Variants in WDPCP observed in about 807,000 individuals in gnomAD.
WDPCP encodes WD repeat-containing and planar cell polarity effector protein fritz homolog.
A neutral mutation model predicts 93.1 loss-of-function variants in WDPCP; 71 were observed. The ratio of observed to expected loss-of-function variants is 0.76; its 90% CI spans 0.63 to 0.93. WDPCP has a LOEUF of 0.93. Among genes scored for constraint, WDPCP ranks in the 40% least tolerant of loss-of-function variants. The probability of loss-of-function intolerance (pLI) is 0.00; values close to 1 mark genes in which losing one functional copy is unlikely to be tolerated. For synonymous variants in WDPCP, 315 were observed against 315.0 expected, an observed-to-expected ratio of 1.00 and a Z score of 0.00; for missense variants, 844 against 887.4, an observed-to-expected ratio of 0.95 and a Z score of 0.62.
At chr2:63,289,927 C>T (rs993519577) in intron 13 of WDPCP, among the ~76,000 whole-genome samples, 4 of 151,394 alleles carry the variant, frequency 2.6e-5, no homozygotes, top group Non-Finnish European at 5.9e-5. Flanking sequence ...ATATATTTTT[C>T]ACATTTTTTC....
intron 13 of WDPCP, among the ~76,000 whole-genome samples, chr2:63,304,673 G>A (rs1685584131): frequency 6.6e-6 from 1 of 152,206 alleles, no homozygotes; most frequent in Non-Finnish European, 1.5e-5. Flanking sequence ...CTTGGTGGCT[G>A]TTTGGGAAGA....
intron 12 of WDPCP, among the ~76,000 whole-genome samples, chr2:63,321,822 C>T (rs1687117427): frequency 6.6e-6 from 1 of 152,094 alleles, no homozygotes; most frequent in African/African-American, 2.4e-5. Flanking sequence ...GGAATGTTTA[C>T]ATTTTTATAA....
At chr2:63,337,197 G>C (rs1320085301) in intron 12 of WDPCP, among the ~76,000 whole-genome samples, 2 of 152,170 alleles carry the variant, frequency 1.3e-5, no homozygotes, top group East Asian at 3.9e-4. Flanking sequence ...CGGCCCATGA[G>C]AGTCACTTTT....
At chr2:63,494,120 A>C (rs771657676) in intron 1 of WDPCP, among the ~76,000 whole-genome samples, 3 of 152,170 alleles carry the variant, frequency 2.0e-5, no homozygotes, top group Non-Finnish European at 4.4e-5. Flanking sequence ...CTAATGAGAT[A>C]TAGTATGCTA....
chr2:63,350,700 T>C (rs774922631), intron 12 of WDPCP, among the ~76,000 whole-genome samples: 1 of 152,110 alleles, frequency 6.6e-6, no homozygotes, highest in Non-Finnish European at 1.5e-5. Flanking sequence ...CACTCCATTT[T>C]GGCTCTAAAT....
chr2:63,186,298 G>A (rs941550292), intron 14 of WDPCP, among the ~76,000 whole-genome samples: 3 of 152,178 alleles, frequency 2.0e-5, no homozygotes, highest in Admixed American at 6.5e-5. Context: ...CCCAATTTCA[G>A]AACCCATGGC....
chr2:63,725,350 TC>T (rs1409773026), intron 2 of WDPCP, among the ~76,000 whole-genome samples: 1 of 152,218 alleles, frequency 6.6e-6, no homozygotes, highest in Admixed American at 6.5e-5. Context: ...TACAGTTGCA[TC>T]CATGTTGCTG....
chr2:63,305,120 C>G (rs1266777812), intron 13 of WDPCP, among the ~76,000 whole-genome samples: 2 of 152,118 alleles, frequency 1.3e-5, no homozygotes, highest in Non-Finnish European at 2.9e-5. Context: ...ATAAAACTCC[C>G]ACCTCCCTGG....
chr2:63,583,241 G>T (rs1708610231), intron 1 of WDPCP, among the ~76,000 whole-genome samples: 1 of 151,930 alleles, frequency 6.6e-6, no homozygotes, highest in African/African-American at 2.4e-5. Flanking sequence ...CTAAAATAAA[G>T]TTACTGTCAA....
chr2:63,322,393 T>C (rs750329255), intron 12 of WDPCP, among the ~76,000 whole-genome samples: 1 of 152,088 alleles, frequency 6.6e-6, no homozygotes, highest in Non-Finnish European at 1.5e-5. Context: ...GTTCTTTCGC[T>C]CTTCACAATA....
At chr2:63,534,752 T>A (rs1704139037) in intron 1 of WDPCP, among the ~76,000 whole-genome samples, 1 of 152,124 alleles carries the variant, frequency 6.6e-6, no homozygotes, top group Non-Finnish European at 1.5e-5. Context: ...ACAGCCAATA[T>A]CATACTGAAT....
intron 1 of WDPCP, among the ~76,000 whole-genome samples, chr2:63,548,610 C>A (rs1347289331): frequency 2.0e-5 from 3 of 151,928 alleles, no homozygotes; most frequent in Non-Finnish European, 4.4e-5. Context: ...TGGACCGCAT[C>A]TTAAGTCTTG....
At chr2:63,745,113 ATATT>A (rs555245565) in intron 2 of WDPCP, among the ~76,000 whole-genome samples, 253 of 152,272 alleles carry the variant, frequency 1.7e-3, no homozygotes, top group Non-Finnish European at 2.7e-3. Context: ...TACAAGGTAT[ATATT>A]TATGTTATTT....
intron 14 of WDPCP, among the ~76,000 whole-genome samples, chr2:63,202,307 G>A (rs1478734454): frequency 2.6e-5 from 4 of 151,854 alleles, no homozygotes; most frequent in African/African-American, 9.7e-5. Flanking sequence ...TTTCACATCA[G>A]GGTGTATTTT....
intron 3 of WDPCP, among the ~76,000 whole-genome samples, chr2:63,618,710 G>A (rs113207720): frequency 0.014 from 1,926 of 141,800 alleles, 42 homozygotes; most frequent in African/African-American, 0.048. Context: ...TTTTTTTTGA[G>A]ACAGAGTTTC....
At chr2:63,144,040 A>G (rs1451084074) in intron 17 of WDPCP, among the ~76,000 whole-genome samples, 2 of 152,166 alleles carry the variant, frequency 1.3e-5, no homozygotes, top group African/African-American at 4.8e-5. Context: ...ATGTTTTCCA[A>G]GCTTTTAGAA....
At chr2:63,309,299 A>G (rs140328323) in intron 13 of WDPCP, among the ~76,000 whole-genome samples, 14 of 152,346 alleles carry the variant, frequency 9.2e-5, no homozygotes, top group African/African-American at 3.1e-4. Flanking sequence ...ATTTAAATAC[A>G]GCAAGAAAAA....
intron 12 of WDPCP, among the ~76,000 whole-genome samples, chr2:63,363,808 A>G (rs1403394644): frequency 5.3e-5 from 8 of 152,082 alleles, no homozygotes. Flanking sequence ...GATAACTCTG[A>G]TATTTTCTCC....
chr2:63,683,128 C>G (rs1575746583), intron 2 of WDPCP, among the ~76,000 whole-genome samples: 1 of 151,876 alleles, frequency 6.6e-6, no homozygotes, highest in East Asian at 1.9e-4. Context: ...TAAATAATAC[C>G]ACCACAGAAA....
Sources: gnomAD v4.1 joint callset for allele counts (sites outside exome capture counted in the v4.1 genomes callset) on GRCh38, gnomAD v4.1.1 for gene constraint, MANE v1.5 for transcripts, NCBI Gene and HGNC (gene_info 2026-07-23, HGNC 2026-07-21) for gene names.